Variants in TF observed in about 807,000 individuals in gnomAD.
TF encodes the protein serotransferrin.
TF carries 55 observed loss-of-function variants against 82.4 expected under a neutral mutation model. That is an observed-to-expected ratio of 0.67 (90% CI 0.54 to 0.84). The LOEUF is 0.84. Among genes scored for constraint, TF ranks in the 40% least tolerant of loss-of-function variants. The pLI is 0.00. For missense variants in TF, 737 were observed against 868.4 expected, an observed-to-expected ratio of 0.85 and a Z score of 1.90; for synonymous variants, 332 against 332.6, an observed-to-expected ratio of 1.00 and a Z score of 0.02.
chr3:133,769,812 G>C (rs1934215761), intron 13 of TF, among the ~76,000 whole-genome samples: 1 of 152,144 alleles, frequency 6.6e-6, no homozygotes, highest in East Asian at 1.9e-4. Context: ...CCCTTTCAAA[G>C]GACTGGAAGA....
At chr3:133,741,364 AGATGAG>A (rs1245904911), upstream of TF, among the ~76,000 whole-genome samples, 3 of 152,182 alleles carry the variant, frequency 2.0e-5, no homozygotes, top group Admixed American at 2.0e-4. Flanking sequence ...TTATGCATAA[AGATGAG>A]AATTTATTTT....
chr3:133,750,030 A>G (rs1422518394), intron 2 of TF, among the ~76,000 whole-genome samples: 3 of 152,196 alleles, frequency 2.0e-5, no homozygotes, highest in Admixed American at 6.5e-5. Context: ...CAGACACTCT[A>G]TCCATCCTGA....
chr3:133,689,797 G>T, the TF span, among the ~76,000 whole-genome samples: 1 of 152,132 alleles, frequency 6.6e-6, no homozygotes, highest in Non-Finnish European at 1.5e-5. Context: ...ATAGACATTA[G>T]GGCACGAGGG....
chr3:133,734,763 T>C, the TF span, among the ~76,000 whole-genome samples: 1 of 149,880 alleles, frequency 6.7e-6, no homozygotes, highest in Admixed American at 6.7e-5. Flanking sequence ...CTGAGTCAAA[T>C]CATGTGGTGA....
intron 15 of TF, 47 bp downstream of exon 15, chr3:133,775,664 A>G: frequency 6.2e-7 from 1 of 1,601,088 alleles, no homozygotes; most frequent in Non-Finnish European, 8.5e-7. Context: ...AGATGGCCAT[A>G]GGCTATTCGG....
upstream of TF, among the ~76,000 whole-genome samples, chr3:133,741,347 C>T (rs573633020): frequency 6.6e-6 from 1 of 152,206 alleles, no homozygotes; most frequent in Non-Finnish European, 1.5e-5. Flanking sequence ...TATATACATA[C>T]AATTTATTAT....
the TF span, among the ~76,000 whole-genome samples, chr3:133,732,608 T>G: frequency 6.6e-6 from 1 of 152,222 alleles, no homozygotes; most frequent in East Asian, 1.9e-4. Flanking sequence ...CACACTACCT[T>G]TATGAGCTGT....
chr3:133,678,975 C>T, the TF span, among the ~76,000 whole-genome samples: 14 of 152,198 alleles, frequency 9.2e-5, no homozygotes, highest in African/African-American at 1.7e-4. Flanking sequence ...CGGGTTCAAG[C>T]GATTCTCCTG....
Position 133,748,573 on chromosome 3 carries a change from A to G in TF, c.205A>G (p.Arg69Gly). 4 of 1,614,124 alleles carry G rather than the reference A, an allele frequency of 2.5e-6. No homozygotes were observed. The highest frequency in any genetic ancestry group is 3.4e-6 in the Non-Finnish European group (4 of 1,180,018). ...VKKASYLDCIRAIAANEADAV... is the reference protein window; with the variant it reads ...VKKASYLDCIGAIAANEADAV... ...GAAAGCCTCCTACCTTGATTGCATC[A>G]GGGCCATTGCGGTAAGTCGCTGCTG... The change falls in exon 2 of 17, where the codon AGG becomes GGG. Residue 69 changes from arginine to glycine, a missense_variant. By Grantham distance (125) the Arg-to-Gly change is moderately radical. Coordinates refer to ENST00000402696, the MANE Select transcript of TF (RefSeq NM_001063.4).
Position 133,775,637 on chromosome 3 carries a change from T to C in TF, c.1872+20T>C. 1 of 1,612,780 alleles carries C rather than the reference T, an allele frequency of 6.2e-7. No homozygotes were observed. Among genetic ancestry groups the C allele is most frequent in the Non-Finnish European group, 8.5e-7 (1 of 1,179,460 alleles). On this transcript the variant is annotated intron_variant, in intron 15 of 16. Coordinates refer to ENST00000402696, the MANE Select transcript of TF (RefSeq NM_001063.4). ...CAGCAGGTATGGACCAGCCAGGTCC[T>C]CCCACCTTTTCTTCCTAGATGGCCA...
chr3:133,777,104 C>T lies in TF; in HGVS notation c.1928C>T (p.Ser643Leu), dbSNP rs1319977074. 8 of 1,613,966 alleles carry T rather than the reference C, an allele frequency of 5.0e-6. No homozygotes were observed. The highest frequency in any genetic ancestry group is 1.6e-4 in the Middle Eastern group (1 of 6,084). The change falls in exon 16 of 17, where the codon TCG (serine) becomes TTG (leucine). Residue 643 changes from serine (S) to leucine (L), a missense_variant. Transcript: ENST00000402696. ...TCGGGCAACTTTTGTTTGTTCCGGT[C>T]GGAAACCAAGGACCTTCTGTTCAGA... ...DCSGNFCLFR[S>L]ETKDLLFRDD...
Position 133,770,197 on chromosome 3 carries a change from T to C in TF, c.1623-311T>C, listed in dbSNP as rs148477104. Among the ~76,000 whole-genome samples, 3 of 152,330 alleles carry C rather than the reference T, an allele frequency of 2.0e-5. No homozygotes were observed. In the East Asian group the frequency reaches 5.8e-4, roughly 29 times the overall value. On this transcript the variant is annotated intron_variant, in intron 13 of 16. Transcript: ENST00000402696. ...GGAACTGAGTTTTTCATTCATATGC[T>C]GGGGGAGGCATCACCTCACTGAAAA...
At chr3:133,729,626 C>T in the TF span, among the ~76,000 whole-genome samples, 1 of 152,224 alleles carries the variant, frequency 6.6e-6, no homozygotes, top group African/African-American at 2.4e-5. Context: ...GAGGCAATGC[C>T]TCGCCCTGTT....
At chr3:133,692,011 C>T in the TF span, among the ~76,000 whole-genome samples, 7 of 152,162 alleles carry the variant, frequency 4.6e-5, no homozygotes, top group East Asian at 1.9e-4. Context: ...TCTTCCTGGG[C>T]GACTGCAAAC....
chr3:133,765,092 A>T (rs1934095645), intron 11 of TF, among the ~76,000 whole-genome samples, 185 bp downstream of exon 11: 2 of 152,190 alleles, frequency 1.3e-5, no homozygotes, highest in Admixed American at 1.3e-4. Flanking sequence ...TGGCTTGCAC[A>T]CAGGATTTTT....
chr3:133,739,399 G>A, the TF span, among the ~76,000 whole-genome samples: 2 of 152,118 alleles, frequency 1.3e-5, no homozygotes, highest in African/African-American at 4.8e-5. Flanking sequence ...CAGGACATAG[G>A]CATGGGCAAA....
rs1308797759 is a variant in TF, at chr3:133,781,960, A to G, written c.*3340A>G. 1 of 152,248 alleles carries G rather than the reference A, an allele frequency of 6.6e-6. No homozygotes were observed. Among genetic ancestry groups the G allele is most frequent in the Non-Finnish European group, 1.5e-5 (1 of 68,046 alleles). The allele number at this position is 152,248 out of a possible 1,614,324, so 9.4% of individuals were successfully genotyped here. A position where few individuals can be genotyped will look rare whatever the true frequency, so the allele number is the denominator to read the frequency against. On this transcript the variant is annotated 3_prime_UTR_variant, in exon 17 of 17. Transcript: ENST00000402696. ...AGAACTCATACAACTCAATAGCAGG[A>G]AAACAAATGATCCCAGTTAAAAATG...
the TF span, among the ~76,000 whole-genome samples, chr3:133,734,414 T>C: frequency 6.6e-6 from 1 of 152,218 alleles, no homozygotes; most frequent in Admixed American, 6.5e-5. Flanking sequence ...TTAAAAAATG[T>C]TGAGGCTTGT....
chr3:133,730,439 G>A, the TF span, among the ~76,000 whole-genome samples: 7 of 152,218 alleles, frequency 4.6e-5, no homozygotes, highest in Non-Finnish European at 1.0e-4. Context: ...AAAGCCCAGA[G>A]ACTGCTGGCT....
Sources: gnomAD v4.1 joint callset for allele counts (sites outside exome capture counted in the v4.1 genomes callset) on GRCh38, gnomAD v4.1.1 for gene constraint, MANE v1.5 for transcripts, NCBI Gene and HGNC (gene_info 2026-07-23, HGNC 2026-07-21) for gene names.